Variants in CDON observed in about 807,000 individuals in gnomAD.
The protein encoded by CDON is cell adhesion molecule-related/down-regulated by oncogenes.
A neutral mutation model predicts 120.9 loss-of-function variants in CDON; 73 were observed. The observed-to-expected ratio is 0.60, with a 90% CI of 0.50 to 0.73. The LOEUF is 0.73. Among genes scored for constraint, CDON ranks in the 30% least tolerant of loss-of-function variants. CDON has a pLI of 0.00. For missense variants in CDON, 1,470 were observed against 1,587.3 expected, an observed-to-expected ratio of 0.93 and a Z score of 1.26; for synonymous variants, 566 against 573.5, an observed-to-expected ratio of 0.99 and a Z score of 0.19.
At position 126,011,009 on chromosome 11, in the gene CDON, T is replaced by C. The variant is rs185624773; in HGVS notation, c.1199-315A>G. 7.5e-5 allele frequency: 33 copies of C among 437,490 alleles called. No homozygotes were observed. The East Asian group carries it at 1.3e-3, about 17-fold the overall frequency. 27.1% of individuals were successfully genotyped at this position (437,490 alleles called of 1,614,324 possible). A position where few individuals can be genotyped will look rare whatever the true frequency, so the allele number is the denominator to read the frequency against. Reference sequence around the variant, plus strand: ...ATCTGACCACTGCAAATATAGAACATATAAGGTTGAAACCTCAGACCTTAA... The same window carrying C: ...ATCTGACCACTGCAAATATAGAACACATAAGGTTGAAACCTCAGACCTTAA... On this transcript the variant is annotated intron_variant, in intron 7 of 19. Transcript: ENST00000531738.
At position 126,035,000 on chromosome 11, in the gene CDON, C is replaced by T. The variant is rs1948055331; in HGVS notation, c.-61-11463G>A. Among the ~76,000 whole-genome samples, 1 of 152,168 alleles carries T rather than the reference C, an allele frequency of 6.6e-6. No homozygotes were observed. The highest frequency in any genetic ancestry group is 1.9e-4 in the East Asian group (1 of 5,190). On this transcript the variant is annotated intron_variant, in intron 1 of 19. Transcript: ENST00000531738. This position sits in a 1 kb window ranked among gnomAD's most constrained non-coding sequence, Gnocchi z 4.5. ...GAATATGGAAACATTTGAAAAAGTG[C>T]CCCATATAGGTGTTAGGTAATATAA...
chr11:126,015,384 A>C lies in CDON; in HGVS notation c.1055T>G (p.Ile352Ser), dbSNP rs1947433786. Reference protein sequence around the residue: ...NCTWFHNAQPIHPSARHLTAG... With the variant: ...NCTWFHNAQPSHPSARHLTAG... ...AGTTAGATGTCGTGCAGAAGGATGA[A>C]TAGGCTGTGCATTGTGAAACCAGGT... The change falls in exon 7 of 20, where the codon ATT becomes AGT. Residue 352 changes from isoleucine (I) to serine (S), a missense_variant. Physicochemically the swap from Ile to Ser is moderately radical, Grantham distance 142. Coordinates refer to ENST00000531738, the MANE Select transcript of CDON (RefSeq NM_001378964.1). 6 of 1,614,066 alleles carry C rather than the reference A, an allele frequency of 3.7e-6. No homozygotes were observed. The highest frequency in any genetic ancestry group is 5.1e-6 in the Non-Finnish European group (6 of 1,180,036).
intron 1 of CDON, among the ~76,000 whole-genome samples, chr11:126,045,612 G>A (rs1250653712): frequency 6.6e-6 from 1 of 151,984 alleles, no homozygotes; most frequent in Non-Finnish European, 1.5e-5. Context: ...ATAATTATAT[G>A]AGATTAAAAA....
At chr11:126,002,718 C>T (rs2134578394) in intron 10 of CDON, among the ~76,000 whole-genome samples, 1 of 152,196 alleles carries the variant, frequency 6.6e-6, no homozygotes, top group East Asian at 1.9e-4. Flanking sequence ...TGCCCACCTC[C>T]ACACTATCCA....
At chr11:125,967,199 A>G (rs1945828257) in intron 18 of CDON, among the ~76,000 whole-genome samples, 1 of 152,212 alleles carries the variant, frequency 6.6e-6, no homozygotes, top group Non-Finnish European at 1.5e-5. Context: ...GGGGAAATGG[A>G]GTTAAAAATG....
chr11:126,030,958 T>C (rs1947926831), intron 1 of CDON, among the ~76,000 whole-genome samples: 1 of 152,142 alleles, frequency 6.6e-6, no homozygotes, highest in African/African-American at 2.4e-5. Flanking sequence ...ATTTAATACA[T>C]AGAACATCTA....
rs779073494 is a variant in CDON at position 125,961,968 on chromosome 11, G to T, written c.3387C>A (p.Ser1129Arg). ...RCFTKTNSTF[S>R]SSPPPVVPVV... ...CAGGGACCACAGGAGGAGGGCTGCT[G>T]CTGAAAGTGCTGTTGGTTTTGGTGA... Residue 1129 changes from serine to arginine, a missense_variant, in exon 19 of 20, where the codon AGC (serine) becomes AGA (arginine). Transcript: ENST00000531738. The T allele has an allele frequency of 1.9e-6, 3 of 1,614,216 alleles. No individual in the cohort carries two copies. The highest frequency in any genetic ancestry group is 1.7e-6 in the Non-Finnish European group (2 of 1,180,040).
chr11:126,008,239 C>A (rs1188953151), intron 8 of CDON, among the ~76,000 whole-genome samples: 1 of 152,168 alleles, frequency 6.6e-6, no homozygotes, highest in Non-Finnish European at 1.5e-5. Flanking sequence ...TTATCTCTCT[C>A]TCTAACCTAG....
At chr11:125,982,753 C>T (rs751415766) in intron 16 of CDON, among the ~76,000 whole-genome samples, 85 of 152,132 alleles carry the variant, frequency 5.6e-4, no homozygotes, top group Non-Finnish European at 1.1e-3. Context: ...ATGGCTGGGA[C>T]GACCAGATTA....
In CDON at chr11:126,015,438, T is replaced by C. The variant is rs1287450549; in HGVS notation, c.1001A>G (p.Asp334Gly). ...SLGATVHFTC[D>G]VHGNPAPNCT... ...GTTGGGGGCTGGGTTCCCATGAACG[T>C]CGCAGGTAAAGTGTACTGTGGCACC... The change falls in exon 7 of 20, where the codon GAC becomes GGC. Residue 334 changes from aspartate to glycine, a missense_variant. Coordinates refer to ENST00000531738, the MANE Select transcript of CDON (RefSeq NM_001378964.1). 3 of 1,614,142 alleles carry C rather than the reference T, an allele frequency of 1.9e-6. No homozygotes were observed. The highest frequency in any genetic ancestry group is 1.3e-5 in the African/African-American group (1 of 75,056).
intron 14 of CDON, among the ~76,000 whole-genome samples, chr11:125,990,573 T>G (rs894915566): frequency 1.5e-4 from 23 of 152,298 alleles, no homozygotes; most frequent in African/African-American, 5.1e-4. Context: ...TAATCCCTTG[T>G]GGAAACATCT....
At chr11:126,014,364 G>A (rs1947397367) in intron 7 of CDON, among the ~76,000 whole-genome samples, 1 of 152,126 alleles carries the variant, frequency 6.6e-6, no homozygotes, top group Non-Finnish European at 1.5e-5. Context: ...AGATTAAATG[G>A]TTCTCTTTTT....
In CDON at chr11:125,971,592, G is replaced by A. The variant is rs147123365; in HGVS notation, c.3356+6712C>T. ...TAGTATCTCTGTTCTCTAAAGCACC[G>A]TTCCCAGTAGTTTTACTACTTCTCT... is the stretch of plus-strand genomic sequence containing the variant. On this transcript the variant is annotated intron_variant, in intron 18 of 19. Transcript: ENST00000531738. 4.4e-3 allele frequency among the ~76,000 whole-genome samples: 672 copies of A among 152,114 alleles called. 23 individuals are homozygous for A. The highest frequency in any genetic ancestry group is 0.04 in the Admixed American group (618 of 15,282).
chr11:126,041,053 G>T (rs1169146377), intron 1 of CDON, among the ~76,000 whole-genome samples: 1 of 151,474 alleles, frequency 6.6e-6, no homozygotes, highest in Admixed American at 6.6e-5. Flanking sequence ...GCCAGGCGTG[G>T]TGGTGCACGC....
chr11:126,059,010 A>T (rs1410222575), intron 1 of CDON, among the ~76,000 whole-genome samples: 1 of 152,122 alleles, frequency 6.6e-6, no homozygotes, highest in Non-Finnish European at 1.5e-5. Context: ...AGAATTCTAT[A>T]ATAATAATAA....
chr11:125,995,546 T>C (rs1194345360), intron 12 of CDON, among the ~76,000 whole-genome samples: 1 of 152,250 alleles, frequency 6.6e-6, no homozygotes, highest in Non-Finnish European at 1.5e-5. Context: ...CTGGTTTCAC[T>C]GCTAACAGTG....
At chr11:126,039,501 A>T (rs796837056) in intron 1 of CDON, among the ~76,000 whole-genome samples, 22 of 152,336 alleles carry the variant, frequency 1.4e-4, no homozygotes, top group African/African-American at 5.3e-4. Context: ...ACTCCAGACG[A>T]ATATAAAACC....
intron 1 of CDON, among the ~76,000 whole-genome samples, chr11:126,029,530 C>G (rs187061311): frequency 1.3e-5 from 2 of 150,128 alleles, no homozygotes; most frequent in Non-Finnish European, 3.0e-5. Context: ...TTCTCCCTTT[C>G]TTACTGCTTT....
At chr11:126,043,854 T>C (rs1484270729) in intron 1 of CDON, among the ~76,000 whole-genome samples, 1 of 152,106 alleles carries the variant, frequency 6.6e-6, no homozygotes, top group Non-Finnish European at 1.5e-5. Flanking sequence ...TTTCAGGAGG[T>C]ATGAAATTGA....
Sources: gnomAD v4.1 joint callset for allele counts (sites outside exome capture counted in the v4.1 genomes callset) on GRCh38, gnomAD v4.1.1 for gene constraint, Gnocchi (gnomAD v3.1) non-coding constraint, MANE v1.5 for transcripts, NCBI Gene and HGNC (gene_info 2026-07-23, HGNC 2026-07-21) for gene names.